Variants in CNTN3 observed in about 807,000 individuals in gnomAD.
CNTN3 encodes contactin 3, also known as contactin-3.
Under a neutral mutation model 119.1 loss-of-function variants are expected in CNTN3, and 60 were observed. That is an observed-to-expected ratio of 0.50 (90% CI 0.41 to 0.62). The LOEUF (loss-of-function observed/expected upper bound fraction) is 0.62. Among genes scored for constraint, CNTN3 ranks in the 20% least tolerant of loss-of-function variants. The probability of loss-of-function intolerance (pLI) is 0.00; values close to 1 mark genes in which losing one functional copy is unlikely to be tolerated. For missense variants in CNTN3, 1,101 were observed against 1,242.4 expected, an observed-to-expected ratio of 0.89 and a Z score of 1.71; for synonymous variants, 450 against 438.7, an observed-to-expected ratio of 1.03 and a Z score of -0.32.
In CNTN3 at chr3:74,614,642, C is replaced by T. The variant is rs1367304016; in HGVS notation, c.-332G>A. ...AGCGCCAGGCTGCTGTGGCTGCTGC[C>T]GGCGCCTAGCGAGCACTGCCCGTGC... On this transcript the variant is annotated 5_prime_UTR_variant, in exon 1 of 23. Coordinates refer to ENST00000263665, the MANE Select transcript of CNTN3 (RefSeq NM_020872.3). Among the ~76,000 whole-genome samples the T allele has an allele frequency of 6.7e-6, 1 of 149,368 alleles. No homozygotes were observed. Among genetic ancestry groups the T allele is most frequent in the Non-Finnish European group, 1.5e-5 (1 of 66,822 alleles).
chr3:74,325,958 T>A (rs1453378949), intron 13 of CNTN3, among the ~76,000 whole-genome samples: 1 of 152,186 alleles, frequency 6.6e-6, no homozygotes, highest in Non-Finnish European at 1.5e-5. Context: ...TATTAACTAT[T>A]CTTATCCCTA....
chr3:74,369,544 T>G (rs1191926166), intron 7 of CNTN3, among the ~76,000 whole-genome samples, 171 bp from the exon 8 acceptor site: 1 of 152,010 alleles, frequency 6.6e-6, no homozygotes, highest in Non-Finnish European at 1.5e-5. Context: ...CTCTTTAAGT[T>G]GATATTTTAA....
At chr3:74,425,956 T>G (rs1477143599) in intron 4 of CNTN3, among the ~76,000 whole-genome samples, 5 of 152,166 alleles carry the variant, frequency 3.3e-5, no homozygotes, top group Non-Finnish European at 7.4e-5. Context: ...ATTATTTTTA[T>G]AAGCATCCAA....
rs6810102 is a variant in CNTN3 at position 74,319,197 on chromosome 3, G to A, written c.1668+15538C>T. Reference sequence around the variant, plus strand: ...GTTCATATGGAACCAAAAAAGAGCCGGCGTCGCCAAGTCAATCCTAACCCA... The same window carrying A: ...GTTCATATGGAACCAAAAAAGAGCCAGCGTCGCCAAGTCAATCCTAACCCA... On this transcript the variant is annotated intron_variant, in intron 13 of 22. Transcript: ENST00000263665. Among the ~76,000 whole-genome samples the A allele has an allele frequency of 3.9e-4, 59 of 152,020 alleles. No individual in the cohort carries two copies. In the South Asian group the frequency reaches 5.6e-3, roughly 14 times the overall value.
At chr3:74,415,174 G>C (rs1701500611) in intron 5 of CNTN3, among the ~76,000 whole-genome samples, 1 of 152,104 alleles carries the variant, frequency 6.6e-6, no homozygotes, top group African/African-American at 2.4e-5. Flanking sequence ...GAGTGAGAAA[G>C]AATGATTTTC....
intron 12 of CNTN3, among the ~76,000 whole-genome samples, chr3:74,335,489 T>C (rs1703370787): frequency 6.6e-6 from 1 of 152,158 alleles, no homozygotes; most frequent in Non-Finnish European, 1.5e-5. Flanking sequence ...TTGTCTATCA[T>C]GAATTAAAAT....
intron 1 of CNTN3, among the ~76,000 whole-genome samples, chr3:74,582,531 C>T (rs976780637): frequency 4.6e-5 from 7 of 151,910 alleles, no homozygotes; most frequent in Non-Finnish European, 1.0e-4. Context: ...TAAAAATAGG[C>T]AATACTTCAA....
intron 4 of CNTN3, among the ~76,000 whole-genome samples, chr3:74,430,776 A>G (rs1235306696): frequency 6.6e-6 from 1 of 152,158 alleles, no homozygotes; most frequent in African/African-American, 2.4e-5. Context: ...CACATACACA[A>G]TGAGTATGTA....
At chr3:74,264,702 C>T (rs180740837) in intron 22 of CNTN3, among the ~76,000 whole-genome samples, 1 of 152,180 alleles carries the variant, frequency 6.6e-6, no homozygotes, top group African/African-American at 2.4e-5. Flanking sequence ...TCAGACTCCC[C>T]TCCAAAACTG....
At chr3:74,537,228 C>A (rs1703778364) in intron 1 of CNTN3, among the ~76,000 whole-genome samples, 1 of 152,066 alleles carries the variant, frequency 6.6e-6, no homozygotes, top group South Asian at 2.1e-4. Flanking sequence ...TCACAAGTAC[C>A]CAAAAGCCAA....
chr3:74,398,815 T>C (rs1218850943), intron 5 of CNTN3, among the ~76,000 whole-genome samples: 4 of 152,218 alleles, frequency 2.6e-5, no homozygotes, highest in Admixed American at 2.6e-4. Context: ...CACCTGTTTA[T>C]CCCTATTGCA....
intron 5 of CNTN3, among the ~76,000 whole-genome samples, chr3:74,407,264 A>ATTTTTTTTTTT (rs753215277): frequency 2.7e-4 from 29 of 105,516 alleles, no homozygotes; most frequent in Non-Finnish European, 4.1e-4. Flanking sequence ...CAAATATTCT[A>ATTTTTTTTTTT]TTTTTTTTTT....
chr3:74,480,664 T>C (rs978119064), intron 4 of CNTN3, among the ~76,000 whole-genome samples: 5 of 151,484 alleles, frequency 3.3e-5, no homozygotes, highest in Middle Eastern at 6.8e-3. Context: ...AAAATATAGA[T>C]GTTTGTACAT....
At chr3:74,413,328 A>G (rs954810513) in intron 5 of CNTN3, among the ~76,000 whole-genome samples, 8 of 152,200 alleles carry the variant, frequency 5.3e-5, no homozygotes, top group African/African-American at 1.4e-4. Flanking sequence ...TGTTGCTGCA[A>G]CATAACCTAT....
rs1207151193 is a variant in CNTN3, at chr3:74,361,950, G to C, written c.1304C>G (p.Ala435Gly). The C allele has an allele frequency of 1.2e-6, 2 of 1,613,780 alleles. No homozygotes were observed. Among genetic ancestry groups the C allele is most frequent in the East Asian group, 2.2e-5 (1 of 44,860 alleles). ...CCAGGAAGAGAGTGCCCTTGGGGAG[G>C]CTCTGGGTTTACAATCCAAGCTGAC... is the stretch of plus-strand genomic sequence containing the variant. ...SLVSLDCKPR[A>G]SPRALSSWKK... is the part of the protein sequence containing the mutation. The change falls in exon 11 of 23, where the codon GCC (alanine) becomes GGC (glycine). Residue 435 changes from alanine (A) to glycine (G), a missense_variant. Physicochemically the swap from Ala to Gly is moderately conservative, Grantham distance 60 (BLOSUM62 0). Transcript: ENST00000263665.
intron 1 of CNTN3, among the ~76,000 whole-genome samples, chr3:74,562,364 T>C (rs992783975): frequency 1.3e-5 from 2 of 152,200 alleles, no homozygotes; most frequent in Non-Finnish European, 2.9e-5. Flanking sequence ...GTGTGTTTTC[T>C]TCCCTTTTTA....
intron 11 of CNTN3, among the ~76,000 whole-genome samples, chr3:74,343,056 A>C (rs773094710): frequency 3.7e-4 from 57 of 152,336 alleles, no homozygotes; most frequent in South Asian, 8.3e-4. Flanking sequence ...TGACACTACT[A>C]TTCTTCTATG....
intron 13 of CNTN3, among the ~76,000 whole-genome samples, chr3:74,309,286 G>A (rs1702629543): frequency 6.6e-6 from 1 of 152,152 alleles, no homozygotes; most frequent in Non-Finnish European, 1.5e-5. Flanking sequence ...TGTATTTTTA[G>A]TAGAGATGGG....
chr3:74,441,525 T>G (rs1701966355), intron 4 of CNTN3, among the ~76,000 whole-genome samples: 1 of 152,178 alleles, frequency 6.6e-6, no homozygotes, highest in African/African-American at 2.4e-5. Context: ...CATGGATACA[T>G]TAGTTTAGTA....
Sources: gnomAD v4.1 joint callset for allele counts (sites outside exome capture counted in the v4.1 genomes callset) on GRCh38, gnomAD v4.1.1 for gene constraint, MANE v1.5 for transcripts, NCBI Gene and HGNC (gene_info 2026-07-23, HGNC 2026-07-21) for gene names.